SAP30BP: variants seen among roughly 807,000 people sequenced by gnomAD.
SAP30BP encodes the protein SAP30-binding protein.
In SAP30BP, 31 loss-of-function variants were observed where a neutral mutation model predicts 46.3. The ratio of observed to expected loss-of-function variants is 0.67; its 90% CI spans 0.50 to 0.90. SAP30BP has a LOEUF of 0.90. SAP30BP is among the 40% of genes least tolerant of loss of function. The pLI is 0.00. For synonymous variants in SAP30BP, 169 were observed against 144.2 expected, an observed-to-expected ratio of 1.17 and a Z score of -1.23; for missense variants, 312 against 391.0, an observed-to-expected ratio of 0.80 and a Z score of 1.70.
intron 4 of SAP30BP, among the ~76,000 whole-genome samples, chr17:75,698,898 G>A (rs932991899): frequency 1.3e-5 from 2 of 152,172 alleles, no homozygotes; most frequent in Non-Finnish European, 2.9e-5. Context: ...TTCCTTAAAA[G>A]TTAACCATTG....
chr17:75,673,331 G>A (rs73995962), intron 3 of SAP30BP, among the ~76,000 whole-genome samples: 2,136 of 152,294 alleles, frequency 0.014, 41 homozygotes, highest in African/African-American at 0.047. Context: ...TGGCAAGATG[G>A]TATGGGCAGA....
Position 75,700,079 on chromosome 17 carries a change from C to T in SAP30BP, c.396+208C>T, listed in dbSNP as rs145600775. ...GGCTCCTACACCCACCGCCATGTCC[C>T]GTGGTGCTGCTCCAGCAGGGCGGCC... On this transcript the variant is annotated intron_variant, in intron 5 of 10. Coordinates refer to ENST00000584667, the MANE Select transcript of SAP30BP (RefSeq NM_013260.8). 184 of 399,012 alleles carry T rather than the reference C, an allele frequency of 4.6e-4. No homozygotes were observed. The East Asian group carries it at 7.3e-3, about 16-fold the overall frequency. The allele number at this position is 399,012 out of a possible 1,614,324, so 24.7% of individuals were successfully genotyped here.
At chr17:75,690,967 G>A (rs1200360756) in intron 3 of SAP30BP, among the ~76,000 whole-genome samples, 2 of 152,216 alleles carry the variant, frequency 1.3e-5, no homozygotes, top group Non-Finnish European at 2.9e-5. Context: ...GCTACTTCAT[G>A]CATTTGGTTT....
chr17:75,674,493 A>AC (rs2059954028), intron 3 of SAP30BP, among the ~76,000 whole-genome samples: 1 of 151,536 alleles, frequency 6.6e-6, no homozygotes. Flanking sequence ...ACAGGGTTTC[A>AC]CCATGTTGGC....
chr17:75,679,664 G>C (rs756091840), intron 3 of SAP30BP: 1 of 152,236 alleles, frequency 6.6e-6, no homozygotes, highest in Non-Finnish European at 1.5e-5. Context: ...GCGAACAGGA[G>C]ATTGGAGAAG....
Position 75,707,318 on chromosome 17 carries a change from TGGGAG to T in SAP30BP, c.*800_*804del, listed in dbSNP as rs2060512497. The T allele has an allele frequency of 6.6e-6, 1 of 152,620 alleles. No individual in the cohort carries two copies. Among genetic ancestry groups the T allele is most frequent in the Admixed American group, 6.5e-5 (1 of 15,274 alleles). The allele number at this position is 152,620 out of a possible 1,614,324, so 9.5% of individuals were successfully genotyped here. ...ATTGTTTACAGGCAAGCCCTGCTCC[TGGGAG>T]GGCTCCTGCCACCCCACCCTTCCTC... On this transcript the variant is annotated 3_prime_UTR_variant, in exon 11 of 11. Coordinates refer to ENST00000584667, the MANE Select transcript of SAP30BP (RefSeq NM_013260.8).
intron 5 of SAP30BP, among the ~76,000 whole-genome samples, chr17:75,700,813 C>A (rs560365872): frequency 1.3e-5 from 2 of 152,372 alleles, no homozygotes; most frequent in South Asian, 4.1e-4. Flanking sequence ...ACCCGCCAGG[C>A]AGAGACAAAC....
In SAP30BP at chr17:75,686,524, G is replaced by GA. The variant is rs535993184; in HGVS notation, c.265-6905dup. 3.5e-4 allele frequency among the ~76,000 whole-genome samples: 47 copies of GA among 133,866 alleles called. 1 individual carries two copies. Among genetic ancestry groups the GA allele is most frequent in the African/African-American group, 6.7e-4 (23 of 34,274 alleles). The allele number at this position is 133,866 out of a possible 152,430, so 87.8% of individuals were successfully genotyped here. On this transcript the variant is annotated intron_variant, in intron 3 of 10. Coordinates refer to ENST00000584667, the MANE Select transcript of SAP30BP (RefSeq NM_013260.8). ...GAGCGGGACTCCATCTCAGGAAAAA[G>GA]AAAAAAAAAAAGAAAGAAAAAAAGA...
chr17:75,668,508 C>A lies in SAP30BP; in HGVS notation c.107-8C>A. 6 of 1,468,502 alleles carry A rather than the reference C, an allele frequency of 4.1e-6. No individual in the cohort carries two copies. Among genetic ancestry groups the A allele is most frequent in the African/African-American group, 1.5e-5 (1 of 68,858 alleles). 91.0% of individuals were successfully genotyped at this position (1,468,502 alleles called of 1,614,324 possible). On this transcript the variant is annotated splice_polypyrimidine_tract_variant and splice_region_variant and intron_variant, in intron 1 of 10. Transcript: ENST00000584667. ...TTTTGTTTGTTTGTTTGTTTTTTAACCTTTCAGAGGAGAAAGGCGGATTGG... is the reference window on the plus strand; with the variant it reads ...TTTTGTTTGTTTGTTTGTTTTTTAAACTTTCAGAGGAGAAAGGCGGATTGG...
intron 3 of SAP30BP, among the ~76,000 whole-genome samples, chr17:75,674,687 T>TTTGTTTG (rs2059958268): frequency 1.6e-5 from 1 of 63,420 alleles, no homozygotes; most frequent in East Asian, 3.8e-4. Flanking sequence ...AGTTTTTTTG[T>TTTGTTTG]TTGTTTTTTG....
chr17:75,699,959 G>A, intron 5 of SAP30BP, 88 bp downstream of exon 5: 1 of 938,362 alleles, frequency 1.1e-6, no homozygotes, highest in South Asian at 1.4e-5. Flanking sequence ...AGAGACCATG[G>A]CAGGGAAAGG....
chr17:75,668,365 G>A (rs1436340925), intron 1 of SAP30BP, 151 bp from the exon 2 acceptor site: 4 of 547,104 alleles, frequency 7.3e-6, no homozygotes, highest in Non-Finnish European at 1.3e-5. Flanking sequence ...CCGAATCTGG[G>A]CCTATTGTAA....
At chr17:75,704,057 A>G (rs971269628) in intron 8 of SAP30BP, among the ~76,000 whole-genome samples, 198 bp downstream of exon 8, 65 of 152,154 alleles carry the variant, frequency 4.3e-4, no homozygotes, top group African/African-American at 1.3e-3. Flanking sequence ...AGAAGATGGA[A>G]CGTCACGCCA....
chr17:75,685,362 A>G (rs999902804), intron 3 of SAP30BP, among the ~76,000 whole-genome samples: 7 of 152,260 alleles, frequency 4.6e-5, no homozygotes, highest in Middle Eastern at 3.4e-3. Flanking sequence ...TCTGGGTTCA[A>G]TAGGATTTTG....
At chr17:75,702,089 C>G (rs1246176548) in intron 5 of SAP30BP, among the ~76,000 whole-genome samples, 1 of 152,216 alleles carries the variant, frequency 6.6e-6, no homozygotes, top group Non-Finnish European at 1.5e-5. Flanking sequence ...GTGGCATGAT[C>G]TCAGCTCACT....
chr17:75,696,427 C>T (rs1399254243), intron 4 of SAP30BP, among the ~76,000 whole-genome samples: 1 of 151,264 alleles, frequency 6.6e-6, no homozygotes, highest in Non-Finnish European at 1.5e-5. Context: ...GCCTATAGTC[C>T]AAGCTACCCG....
chr17:75,693,864 A>G (rs578112865), intron 4 of SAP30BP, among the ~76,000 whole-genome samples: 1 of 152,138 alleles, frequency 6.6e-6, no homozygotes, highest in South Asian at 2.1e-4. Context: ...GGGAGTCAGC[A>G]TGTGGCCTCT....
At chr17:75,691,073 A>G (rs765666463) in intron 3 of SAP30BP, among the ~76,000 whole-genome samples, 2 of 152,162 alleles carry the variant, frequency 1.3e-5, no homozygotes, top group African/African-American at 2.4e-5. Context: ...GAGGGTGGGA[A>G]GGCTCATGGA....
intron 9 of SAP30BP, 50 bp downstream of exon 9, chr17:75,704,864 G>T: frequency 6.9e-7 from 1 of 1,438,938 alleles, no homozygotes; most frequent in South Asian, 1.1e-5. Context: ...TGGAGTGCAT[G>T]GGTCCTGCTG....
Sources: gnomAD v4.1 joint callset for allele counts (sites outside exome capture counted in the v4.1 genomes callset) on GRCh38, gnomAD v4.1.1 for gene constraint, MANE v1.5 for transcripts, NCBI Gene and HGNC (gene_info 2026-07-23, HGNC 2026-07-21) for gene names.